URM1: variants seen among roughly 807,000 people sequenced by gnomAD.
URM1 encodes ubiquitin-related modifier 1.
In URM1, 11 loss-of-function variants were observed where a neutral mutation model predicts 17.7. The ratio of observed to expected loss-of-function variants is 0.62; its 90% confidence interval spans 0.39 to 1.03. The LOEUF is 1.03. URM1 is among the 50% of genes least tolerant of loss of function. The pLI, the probability that URM1 is intolerant of heterozygous loss-of-function variation, is 0.00. For missense variants in URM1, 128 were observed against 129.2 expected, an observed-to-expected ratio of 0.99 and a Z score of 0.04; for synonymous variants, 48 against 50.6, an observed-to-expected ratio of 0.95 and a Z score of 0.22.
intron 2 of URM1, among the ~76,000 whole-genome samples, chr9:128,379,810 A>G (rs1833134973): frequency 6.6e-6 from 1 of 151,864 alleles, no homozygotes; most frequent in Non-Finnish European, 1.5e-5. Flanking sequence ...AAAAAAAAAT[A>G]AAATAAAATA....
rs191913985 is a variant in URM1 at position 128,387,993 on chromosome 9, G to A, written c.188+96G>A. On this transcript the variant is annotated intron_variant, in intron 3 of 4. Transcript: ENST00000372853. The surrounding 1 kb of genome is among the most constrained non-coding windows in gnomAD (Gnocchi z 4.3). ...TTCAGTCCTGGCCTTCTCTGAATCCGGTTCTCCCCTTCCTCCTCCCTAACT... is the reference window on the plus strand; with the variant it reads ...TTCAGTCCTGGCCTTCTCTGAATCCAGTTCTCCCCTTCCTCCTCCCTAACT... The A allele has an allele frequency of 3.1e-4, 478 of 1,524,582 alleles. 2 individuals carry two copies. In the African/African-American group the frequency reaches 5.3e-3, roughly 17 times the overall value. The allele number at this position is 1,524,582 out of a possible 1,614,324, so 94.4% of individuals were successfully genotyped here.
At position 128,387,865 on chromosome 9, in the gene URM1, G is replaced by C. The variant is rs1389360848; in HGVS notation, c.156G>C (p.Glu52Asp). ...GGATCAAGAAGAATTTGCTAAAAGA[G>C]CGGCCAGAGTTGTTCATCCAGGGAG... is the stretch of plus-strand genomic sequence containing the variant. ...LIWIKKNLLK[E>D]RPELFIQGDS... Residue 52 changes from glutamate (E) to aspartate (D), a missense_variant, in exon 3 of 5, where the codon GAG becomes GAC. Coordinates refer to ENST00000372853, the MANE Select transcript of URM1 (RefSeq NM_030914.4). This position sits in a 1 kb window ranked among gnomAD's most constrained non-coding sequence, Gnocchi z 4.3. 6.2e-7 allele frequency: 1 copy of C among 1,614,110 alleles called. No individual in the cohort carries two copies. Among genetic ancestry groups the C allele is most frequent in the African/African-American group, 1.3e-5 (1 of 75,046 alleles).
Position 128,387,673 on chromosome 9 carries a change from A to G in URM1, c.107-143A>G. ...ACCTGTTTCCTCACCTTTGGAATCT[A>G]CAAGTTCATGGGCTATCACAGCCTG... On this transcript the variant is annotated intron_variant, in intron 2 of 4. Coordinates refer to ENST00000372853, the MANE Select transcript of URM1 (RefSeq NM_030914.4). This position sits in a 1 kb window ranked among gnomAD's most constrained non-coding sequence, Gnocchi z 4.3. 2 of 1,372,738 alleles carry G rather than the reference A, an allele frequency of 1.5e-6. No individual in the cohort carries two copies. Among genetic ancestry groups the G allele is most frequent in the Non-Finnish European group, 2.0e-6 (2 of 1,011,720 alleles). The allele number at this position is 1,372,738 out of a possible 1,614,324, so 85.0% of individuals were successfully genotyped here. A position where few individuals can be genotyped will look rare whatever the true frequency, so the allele number is the denominator to read the frequency against.
At chr9:128,386,284 C>A (rs1239426445) in intron 2 of URM1, among the ~76,000 whole-genome samples, 1 of 152,134 alleles carries the variant, frequency 6.6e-6, no homozygotes, top group East Asian at 1.9e-4. Context: ...AGATGGAGGC[C>A]AAGGGGATTC....
intron 2 of URM1, among the ~76,000 whole-genome samples, chr9:128,379,095 T>G (rs1021126045): frequency 1.9e-4 from 29 of 152,186 alleles, no homozygotes. Flanking sequence ...GGGATTCCAG[T>G]CTCCACCTAT....
intron 2 of URM1, among the ~76,000 whole-genome samples, chr9:128,381,892 T>A (rs1252652432): frequency 6.6e-6 from 1 of 152,224 alleles, no homozygotes. Context: ...ACATCTTACA[T>A]TTTCCAGTTT....
intron 2 of URM1, among the ~76,000 whole-genome samples, chr9:128,384,094 C>T (rs922585646): frequency 1.3e-5 from 2 of 152,184 alleles, no homozygotes; most frequent in African/African-American, 4.8e-5. Context: ...GGATTATTAT[C>T]CCTGCTTGTC....
At chr9:128,382,268 G>A (rs1410200592) in intron 2 of URM1, among the ~76,000 whole-genome samples, 4 of 152,040 alleles carry the variant, frequency 2.6e-5, no homozygotes, top group Non-Finnish European at 5.9e-5. Context: ...CTAGGTTGGT[G>A]ACCTAGGTCA....
At chr9:128,382,946 AGT>A (rs1367001397) in intron 2 of URM1, among the ~76,000 whole-genome samples, 4 of 152,094 alleles carry the variant, frequency 2.6e-5, no homozygotes, top group Non-Finnish European at 5.9e-5. Context: ...CCAGGCCCCA[AGT>A]GTAGACATGG....
intron 2 of URM1, among the ~76,000 whole-genome samples, chr9:128,380,674 C>T (rs1833147574): frequency 7.4e-6 from 1 of 136,020 alleles, no homozygotes; most frequent in Non-Finnish European, 1.5e-5. Flanking sequence ...CTCGCTCTGT[C>T]TCCCAGGCTG....
In URM1 at chr9:128,381,718, A is replaced by G. The variant is rs567589917; in HGVS notation, c.106+3612A>G. Reference sequence around the variant, plus strand: ...AAAAACAAAACAAATAAAAGGTAGAAACCAAAATTTAGAGAAGTCAGGGGT... The same window carrying G: ...AAAAACAAAACAAATAAAAGGTAGAGACCAAAATTTAGAGAAGTCAGGGGT... On this transcript the variant is annotated intron_variant, in intron 2 of 4. Coordinates refer to ENST00000372853, the MANE Select transcript of URM1 (RefSeq NM_030914.4). Among the ~76,000 whole-genome samples, 3 of 149,290 alleles carry G rather than the reference A, an allele frequency of 2.0e-5. No homozygotes were observed. In the South Asian group the frequency reaches 6.2e-4, roughly 31 times the overall value.
At chr9:128,379,685 G>A (rs1165982012) in intron 2 of URM1, among the ~76,000 whole-genome samples, 6 of 151,206 alleles carry the variant, frequency 4.0e-5, no homozygotes, top group South Asian at 2.1e-4. Flanking sequence ...CTGTAATCCC[G>A]GCTACTCTGG....
intron 2 of URM1, among the ~76,000 whole-genome samples, chr9:128,381,513 A>G (rs1486769464): frequency 1.3e-5 from 2 of 152,148 alleles, no homozygotes; most frequent in African/African-American, 4.8e-5. Flanking sequence ...CCAGGCCAAC[A>G]TGGTGAAACC....
intron 2 of URM1, among the ~76,000 whole-genome samples, chr9:128,385,206 G>A (rs1833210912): frequency 6.6e-6 from 1 of 152,072 alleles, no homozygotes; most frequent in Admixed American, 6.6e-5. Flanking sequence ...GCCTTCCCAT[G>A]TGTTATCCTT....
Position 128,390,350 on chromosome 9 carries a change from C to T in URM1, c.*616C>T, listed in dbSNP as rs1554804319. The T allele has an allele frequency of 6.5e-6, 1 of 153,130 alleles. No individual in the cohort carries two copies. Among genetic ancestry groups the T allele is most frequent in the East Asian group, 1.9e-4 (1 of 5,196 alleles). 9.5% of individuals were successfully genotyped at this position (153,130 alleles called of 1,614,324 possible). ...TGCTCCCCCCACCCCTAGCCCTTGA[C>T]CCTGGCTGGCCTGCCCCGCTCCACA... is the stretch of plus-strand genomic sequence containing the variant. On this transcript the variant is annotated 3_prime_UTR_variant, in exon 5 of 5. Coordinates refer to ENST00000372853, the MANE Select transcript of URM1 (RefSeq NM_030914.4).
At chr9:128,385,167 C>T (rs1833210547) in intron 2 of URM1, among the ~76,000 whole-genome samples, 1 of 152,132 alleles carries the variant, frequency 6.6e-6, no homozygotes, top group Non-Finnish European at 1.5e-5. Context: ...GTTCTGCTGC[C>T]TTGAACCTGC....
chr9:128,373,485 T>G (rs1299815851), intron 1 of URM1, among the ~76,000 whole-genome samples: 1 of 152,124 alleles, frequency 6.6e-6, no homozygotes, highest in Non-Finnish European at 1.5e-5. Context: ...CCTGAGCAGA[T>G]GTAGTCCTCT....
intron 1 of URM1, among the ~76,000 whole-genome samples, chr9:128,375,207 G>T (rs989517389): frequency 4.6e-5 from 7 of 152,164 alleles, no homozygotes; most frequent in Admixed American, 6.6e-5. Flanking sequence ...ATGGTGAGGC[G>T]ATGTGAACAG....
Position 128,389,679 on chromosome 9 carries a change from A to G in URM1, c.251A>G (p.Tyr84Cys). Reference sequence around the variant, plus strand: ...CTCCCGCACCAGGGTGAGCTGGACTACCAGCTTCAGGACCAGGACAGCGTC... The same window carrying G: ...CTCCCGCACCAGGGTGAGCTGGACTGCCAGCTTCAGGACCAGGACAGCGTC... The part of the protein sequence containing the change: ...ADWELLGELD[Y>C]QLQDQDSVLF... The change falls in exon 5 of 5, where the codon TAC (tyrosine) becomes TGC (cysteine). Residue 84 changes from tyrosine (Y) to cysteine (C), a missense_variant. By Grantham distance (194) the Tyr-to-Cys change is radical (BLOSUM62 -2). Coordinates refer to ENST00000372853, the MANE Select transcript of URM1 (RefSeq NM_030914.4). 1 of 1,613,516 alleles carries G rather than the reference A, an allele frequency of 6.2e-7. No individual in the cohort carries two copies. Among genetic ancestry groups the G allele is most frequent in the Non-Finnish European group, 8.5e-7 (1 of 1,179,990 alleles).
Sources: allele counts gnomAD v4.1 joint callset (sites outside exome capture counted in the v4.1 genomes callset), GRCh38; gene constraint gnomAD v4.1.1; non-coding constraint Gnocchi (gnomAD v3.1); transcripts MANE v1.5; gene names NCBI Gene and HGNC (gene_info 2026-07-23, HGNC 2026-07-21).